PTPRR: variants seen among roughly 807,000 people sequenced by gnomAD.
PTPRR encodes receptor-type tyrosine-protein phosphatase R.
In PTPRR, 38 loss-of-function variants were observed where a neutral mutation model predicts 77.2. That is an observed-to-expected ratio of 0.49 (90% CI 0.38 to 0.65). The LOEUF (loss-of-function observed/expected upper bound fraction) is 0.65. Ranked by LOEUF, PTPRR falls within the 30% of genes least tolerant of loss-of-function variation. The probability of loss-of-function intolerance (pLI) is 0.00; values close to 1 mark genes in which losing one functional copy is unlikely to be tolerated. For synonymous variants in PTPRR, 299 were observed against 283.1 expected (o/e 1.06, Z -0.57); for missense variants, 744 against 799.2 (o/e 0.93, Z 0.83).
intron 2 of PTPRR, among the ~76,000 whole-genome samples, chr12:70,842,376 A>G (rs1892411615): frequency 6.6e-6 from 1 of 152,190 alleles, no homozygotes; most frequent in African/African-American, 2.4e-5. Context: ...ACATTTATTT[A>G]TGACATGCAT....
intron 2 of PTPRR, among the ~76,000 whole-genome samples, chr12:70,890,140 G>A (rs146880656): frequency 6.6e-6 from 1 of 152,110 alleles, no homozygotes; most frequent in Non-Finnish European, 1.5e-5. Flanking sequence ...TTCATCTAAA[G>A]CGGTATTTTT....
chr12:70,726,440 T>A (rs1024208143), intron 6 of PTPRR, among the ~76,000 whole-genome samples: 5 of 152,222 alleles, frequency 3.3e-5, no homozygotes, highest in African/African-American at 1.2e-4. Flanking sequence ...TTCCTTTCTG[T>A]AAAATGGGGA....
intron 2 of PTPRR, among the ~76,000 whole-genome samples, chr12:70,865,773 G>A (rs1353265175): frequency 6.6e-6 from 1 of 152,062 alleles, no homozygotes; most frequent in Non-Finnish European, 1.5e-5. Flanking sequence ...TTAATACAGG[G>A]TCCAAGCAGT....
At chr12:70,856,766 T>G (rs1892658415) in intron 2 of PTPRR, among the ~76,000 whole-genome samples, 1 of 150,894 alleles carries the variant, frequency 6.6e-6, no homozygotes, top group Non-Finnish European at 1.5e-5. Context: ...TGGTGTTTGA[T>G]TTGACTTAGA....
intron 6 of PTPRR, among the ~76,000 whole-genome samples, chr12:70,717,750 C>T (rs1056730243): frequency 2.6e-5 from 4 of 152,068 alleles, no homozygotes; most frequent in Non-Finnish European, 2.9e-5. Context: ...TCCATGCATC[C>T]GGGCATTTCC....
Position 70,745,810 on chromosome 12 carries a change from G to A in PTPRR, c.1007+8C>T, listed in dbSNP as rs374976744. On this transcript the variant is annotated splice_region_variant and intron_variant, in intron 6 of 13. Coordinates refer to ENST00000283228, the MANE Select transcript of PTPRR (RefSeq NM_002849.4). ...GCCACACGTAGGGTATACAGAACAA[G>A]CTCTTACCTCTCTTGAAGTCCTATG... 91 of 1,613,570 alleles carry A rather than the reference G, an allele frequency of 5.6e-5. 1 individual carries two copies. The East Asian group carries it at 8.9e-4, about 16-fold the overall frequency.
intron 2 of PTPRR, among the ~76,000 whole-genome samples, chr12:70,823,390 C>A (rs1892055533): frequency 6.6e-6 from 1 of 152,188 alleles, no homozygotes; most frequent in South Asian, 2.1e-4. Flanking sequence ...TCCAGCCTAG[C>A]TGACCACTGT....
intron 2 of PTPRR, among the ~76,000 whole-genome samples, chr12:70,878,382 A>G (rs1893089254): frequency 6.6e-6 from 1 of 152,194 alleles, no homozygotes; most frequent in Non-Finnish European, 1.5e-5. Context: ...AGAATCTACA[A>G]TGAACTCAAA....
At chr12:70,862,278 C>G (rs922094938) in intron 2 of PTPRR, among the ~76,000 whole-genome samples, 4 of 151,920 alleles carry the variant, frequency 2.6e-5, no homozygotes, top group Non-Finnish European at 2.9e-5. Flanking sequence ...TCATATATAC[C>G]ATGAAGATAA....
At chr12:70,886,934 G>T (rs557306641) in intron 2 of PTPRR, among the ~76,000 whole-genome samples, 3 of 152,134 alleles carry the variant, frequency 2.0e-5, no homozygotes, top group African/African-American at 7.2e-5. Flanking sequence ...AAAGATATTA[G>T]CTAGAAGTGC....
At chr12:70,725,043 A>G (rs1265422335) in intron 6 of PTPRR, among the ~76,000 whole-genome samples, 1 of 152,006 alleles carries the variant, frequency 6.6e-6, no homozygotes, top group Non-Finnish European at 1.5e-5. Context: ...GGCCTATTCC[A>G]CCTTCCTGAG....
At position 70,768,870 on chromosome 12, in the gene PTPRR, A is replaced by G. The variant is rs555932631; in HGVS notation, c.358-4092T>C. 3.9e-4 allele frequency among the ~76,000 whole-genome samples: 59 copies of G among 151,664 alleles called. No homozygotes were observed. The East Asian group carries it at 8.1e-3, about 21-fold the overall frequency. ...CTGGTTCAATATATGCAAATCAATA[A>G]ATGTAATCCAGCATATAAACAGAGC... On this transcript the variant is annotated intron_variant, in intron 2 of 13. Coordinates refer to ENST00000283228, the MANE Select transcript of PTPRR (RefSeq NM_002849.4).
intron 2 of PTPRR, among the ~76,000 whole-genome samples, chr12:70,766,235 A>G (rs746656228): frequency 6.6e-6 from 1 of 152,346 alleles, no homozygotes; most frequent in East Asian, 1.9e-4. Flanking sequence ...GAGGAAATTC[A>G]AACCAAAGGC....
At chr12:70,675,696 C>T (rs1229374416) in intron 10 of PTPRR, among the ~76,000 whole-genome samples, 2 of 151,502 alleles carry the variant, frequency 1.3e-5, no homozygotes, top group Admixed American at 6.6e-5. Flanking sequence ...TTTTATCCTC[C>T]CTTGTAGTTG....
At chr12:70,723,448 A>G (rs758887557) in intron 6 of PTPRR, among the ~76,000 whole-genome samples, 1 of 152,206 alleles carries the variant, frequency 6.6e-6, no homozygotes, top group Non-Finnish European at 1.5e-5. Flanking sequence ...AATTTATGTT[A>G]GAGGTCATAA....
chr12:70,701,496 C>T (rs1888422813), intron 6 of PTPRR, among the ~76,000 whole-genome samples, 173 bp from the exon 7 acceptor site: 2 of 152,048 alleles, frequency 1.3e-5, no homozygotes, highest in African/African-American at 4.8e-5. Context: ...AGTTCCTTCA[C>T]AGGAAAATAA....
chr12:70,684,659 C>A (rs184761311), intron 9 of PTPRR, 45 bp downstream of exon 9: 1 of 1,305,484 alleles, frequency 7.7e-7, no homozygotes, highest in South Asian at 1.3e-5. Context: ...ACCAACAATT[C>A]CAAATAGGAA....
At chr12:70,754,451 G>A in intron 4 of PTPRR, 150 bp from the exon 5 acceptor site, 1 of 1,565,168 alleles carries the variant, frequency 6.4e-7, no homozygotes. Flanking sequence ...TTCTCAAACT[G>A]ATCTAAGACA....
chr12:70,881,535 T>C (rs538191495), intron 2 of PTPRR, among the ~76,000 whole-genome samples: 4 of 152,318 alleles, frequency 2.6e-5, no homozygotes, highest in Admixed American at 2.6e-4. Flanking sequence ...TGCTAACTTA[T>C]TGTTTCAGTC....
Sources: gnomAD v4.1 joint callset for allele counts (sites outside exome capture counted in the v4.1 genomes callset) on GRCh38, gnomAD v4.1.1 for gene constraint, MANE v1.5 for transcripts, NCBI Gene and HGNC (gene_info 2026-07-23, HGNC 2026-07-21) for gene names.